DOCK9: variants seen among roughly 807,000 people sequenced by gnomAD.
The protein encoded by DOCK9 is dedicator of cytokinesis 9, also known as dedicator of cytokinesis protein 9.
DOCK9 carries 89 observed loss-of-function variants against 263.3 expected under a neutral mutation model. The ratio of observed to expected loss-of-function variants is 0.34; its 90% CI spans 0.28 to 0.40. The LOEUF (loss-of-function observed/expected upper bound fraction) is 0.40, where lower values mean the gene tolerates loss of function less well. Among genes scored for constraint, DOCK9 ranks in the 10% least tolerant of loss-of-function variants. DOCK9 has a pLI of 1.00. For missense variants in DOCK9, 2,140 were observed against 2,603.4 expected (o/e 0.82, Z 3.87); for synonymous variants, 976 against 973.1 (o/e 1.00, Z -0.06).
intron 41 of DOCK9, among the ~76,000 whole-genome samples, chr13:98,830,554 C>T (rs1217121039): frequency 6.6e-6 from 1 of 152,236 alleles, no homozygotes; most frequent in Non-Finnish European, 1.5e-5. Flanking sequence ...TAAGGAACAT[C>T]TCTAGTTCCC....
rs577908492 is a variant in DOCK9 at position 99,045,517 on chromosome 13, A to G, written c.129+40706T>C. On this transcript the variant is annotated intron_variant, in intron 1 of 32. Transcript: ENST00000427887. ...CAGGGGCTGGGGGTGGGGTTTGGAG[A>G]GATGTTGGTAAAAAGATACAAAATT... Among the ~76,000 whole-genome samples, 7 of 152,262 alleles carry G rather than the reference A, an allele frequency of 4.6e-5. No homozygotes were observed. In the South Asian group the frequency reaches 1.5e-3, roughly 32 times the overall value.
At chr13:98,995,032 GA>G (rs1451119351) in intron 1 of DOCK9, among the ~76,000 whole-genome samples, 3 of 152,144 alleles carry the variant, frequency 2.0e-5, no homozygotes, top group Non-Finnish European at 4.4e-5. Context: ...GTGCTCTAAA[GA>G]AATGTACGCA....
chr13:99,033,498 C>T (rs1301611294), intron 1 of DOCK9, among the ~76,000 whole-genome samples: 1 of 152,214 alleles, frequency 6.6e-6, no homozygotes, highest in East Asian at 1.9e-4. Context: ...ACAAACCCTC[C>T]AGTCTTCAGT....
chr13:99,001,989 C>G (rs1882428553), intron 1 of DOCK9, among the ~76,000 whole-genome samples: 1 of 152,208 alleles, frequency 6.6e-6, no homozygotes, highest in Non-Finnish European at 1.5e-5. Flanking sequence ...CCCCACTCCC[C>G]ACCTACGCTT....
intron 1 of DOCK9, among the ~76,000 whole-genome samples, chr13:99,053,106 AAT>A (rs1239962241): frequency 3.3e-5 from 5 of 152,136 alleles, no homozygotes; most frequent in African/African-American, 4.8e-5. Flanking sequence ...CACACCTGAA[AAT>A]AAAATAGATT....
At chr13:98,818,788 T>C (rs1295180866) in intron 45 of DOCK9, among the ~76,000 whole-genome samples, 1 of 152,130 alleles carries the variant, frequency 6.6e-6, no homozygotes, top group Non-Finnish European at 1.5e-5. Flanking sequence ...AGTGATGCAA[T>C]TGAAGGCACT....
chr13:98,922,098 A>T lies in DOCK9; in HGVS notation c.535T>A (p.Trp179Arg). Reference sequence around the variant, plus strand: ...CTGTTCATGTTGCCTTTGTACAGCCAGCCATGCTTGGTGATCCCACCCTTC... The same window carrying T: ...CTGTTCATGTTGCCTTTGTACAGCCTGCCATGCTTGGTGATCCCACCCTTC... ...SQKGGITKHG[W>R]LYKGNMNSAI... The change falls in exon 6 of 53, where the codon TGG becomes AGG. Residue 179 changes from tryptophan (W) to arginine (R), a missense_variant. Physicochemically the swap from Trp to Arg is moderately radical, Grantham distance 101. Coordinates refer to ENST00000682017, the MANE Select transcript of DOCK9 (RefSeq NM_001366683.2). 6.2e-7 allele frequency: 1 copy of T among 1,602,716 alleles called. No individual in the cohort carries two copies.
chr13:98,814,143 C>T (rs760055848), intron 45 of DOCK9, among the ~76,000 whole-genome samples: 12 of 152,176 alleles, frequency 7.9e-5, no homozygotes, highest in Non-Finnish European at 1.6e-4. Flanking sequence ...TAGCAGAAAA[C>T]GCTATCTAAG....
intron 1 of DOCK9, among the ~76,000 whole-genome samples, chr13:99,002,899 A>G (rs1882646565): frequency 6.6e-6 from 1 of 152,170 alleles, no homozygotes; most frequent in Admixed American, 6.5e-5. Context: ...TTCCTCATCT[A>G]TAAAATAAAG....
chr13:98,945,859 G>T (rs1224375416), intron 2 of DOCK9, among the ~76,000 whole-genome samples: 1 of 152,156 alleles, frequency 6.6e-6, no homozygotes, highest in Non-Finnish European at 1.5e-5. Context: ...TTAAGAGACA[G>T]GGAGAGAAAA....
intron 1 of DOCK9, among the ~76,000 whole-genome samples, chr13:99,066,433 T>G (rs1295586206): frequency 6.6e-6 from 1 of 152,242 alleles, no homozygotes; most frequent in East Asian, 1.9e-4. Context: ...TGGTTTCATT[T>G]TCAATTCTAA....
chr13:98,880,538 C>T lies in DOCK9; in HGVS notation c.2871+9G>A. Reference sequence around the variant, plus strand: ...TTCAATCAGAGCCACACTGACTCTCCTGACATACCTTCAGTAGTTTGTTGC... The same window carrying T: ...TTCAATCAGAGCCACACTGACTCTCTTGACATACCTTCAGTAGTTTGTTGC... On this transcript the variant is annotated intron_variant, in intron 26 of 52. Coordinates refer to ENST00000682017, the MANE Select transcript of DOCK9 (RefSeq NM_001366683.2). 6.2e-7 allele frequency: 1 copy of T among 1,613,790 alleles called. No homozygotes were observed. The highest frequency in any genetic ancestry group is 8.5e-7 in the Non-Finnish European group (1 of 1,179,838).
chr13:98,998,875 G>C (rs570395142), intron 1 of DOCK9, among the ~76,000 whole-genome samples: 48 of 152,220 alleles, frequency 3.2e-4, no homozygotes, highest in Middle Eastern at 3.4e-3. Context: ...GTTTCACTTT[G>C]GGCTACTGTC....
upstream of DOCK9, among the ~76,000 whole-genome samples, chr13:98,979,085 T>C (rs1876191484): frequency 6.6e-6 from 1 of 152,048 alleles, no homozygotes; most frequent in Non-Finnish European, 1.5e-5. Context: ...CTCTGAGTAT[T>C]TCCTGGACAT....
At chr13:98,902,618 T>C in intron 11 of DOCK9, 127 bp from the exon 12 acceptor site, 3 of 815,742 alleles carry the variant, frequency 3.7e-6, no homozygotes, top group Non-Finnish European at 5.7e-6. Flanking sequence ...AACAGTCTCA[T>C]CCTTCTGCAT....
intron 2 of DOCK9, among the ~76,000 whole-genome samples, chr13:98,942,119 C>T (rs2055962547): frequency 1.3e-5 from 2 of 152,128 alleles, no homozygotes; most frequent in Non-Finnish European, 2.9e-5. Flanking sequence ...CACCTACCAA[C>T]TCTTTCATGT....
At chr13:99,086,159 C>T in intron 1 of DOCK9, 1 of 1,418,216 alleles carries the variant, frequency 7.1e-7, no homozygotes, top group South Asian at 1.4e-5. Flanking sequence ...GGCGCCCGGC[C>T]CGGGGCCCGC....
At chr13:98,962,351 T>C (rs2058725158) in intron 1 of DOCK9, among the ~76,000 whole-genome samples, 1 of 152,268 alleles carries the variant, frequency 6.6e-6, no homozygotes, top group South Asian at 2.1e-4. Flanking sequence ...CGTGCCTTAT[T>C]TTGTTTTCAA....
At chr13:98,828,558 T>A (rs1465087418) in intron 43 of DOCK9, among the ~76,000 whole-genome samples, 1 of 152,214 alleles carries the variant, frequency 6.6e-6, no homozygotes, top group Admixed American at 6.5e-5. Flanking sequence ...TTAGAGTATG[T>A]TTATTAATTC....
Sources: gnomAD v4.1 joint callset for allele counts (sites outside exome capture counted in the v4.1 genomes callset) on GRCh38, gnomAD v4.1.1 for gene constraint, MANE v1.5 for transcripts, NCBI Gene and HGNC (gene_info 2026-07-23, HGNC 2026-07-21) for gene names.